PRMT8: variants seen among roughly 807,000 people sequenced by gnomAD.
PRMT8 encodes protein arginine N-methyltransferase 8.
Under a neutral mutation model 47.1 loss-of-function variants are expected in PRMT8, and 7 were observed. The ratio of observed to expected loss-of-function variants is 0.15; its 90% CI spans 0.08 to 0.28. The LOEUF is 0.28. Among genes scored for constraint, PRMT8 ranks in the 10% least tolerant of loss-of-function variants. The probability of loss-of-function intolerance (pLI) is 1.00; values close to 1 mark genes in which losing one functional copy is unlikely to be tolerated. For synonymous variants in PRMT8, 188 were observed against 186.5 expected (o/e 1.01, Z -0.07); for missense variants, 237 against 505.4 (o/e 0.47, Z 5.09).
chr12:3,485,585 C>T (rs1865315394), intron 1 of PRMT8, among the ~76,000 whole-genome samples: 2 of 152,154 alleles, frequency 1.3e-5, no homozygotes, highest in South Asian at 2.1e-4. Flanking sequence ...TTTATCCATA[C>T]AGTGAGATGT....
rs149088593 is a variant in PRMT8 at position 3,404,340 on chromosome 12, C to T, written c.48+22898C>T. The stretch of plus-strand genomic sequence containing the variant: ...CCAAGATTTTACCCAGTTTGATATA[C>T]GTAGATAAAATAATTTTTCTTGCTA... On this transcript the variant is annotated intron_variant, in intron 1 of 9. Coordinates refer to the PRMT8 transcript ENST00000452611. 3.8e-3 allele frequency among the ~76,000 whole-genome samples: 580 copies of T among 152,190 alleles called. 3 individuals are homozygous for T. The highest frequency in any genetic ancestry group is 0.013 in the African/African-American group (540 of 41,528).
rs142178982 is a variant in PRMT8 at position 3,424,429 on chromosome 12, G to A, written c.48+42987G>A. On this transcript the variant is annotated intron_variant, in intron 1 of 9. Coordinates refer to the PRMT8 transcript ENST00000452611. ...TCATTTTTACAGAGTCCTAATTCGT[G>A]ACAAATGTACTTATTTTCGGTCATA... Among the ~76,000 whole-genome samples the A allele has an allele frequency of 1.9e-4, 29 of 152,236 alleles. No individual in the cohort carries two copies. In the East Asian group the frequency reaches 3.9e-3, roughly 20 times the overall value.
intron 1 of PRMT8, among the ~76,000 whole-genome samples, chr12:3,523,514 C>A (rs984101402): frequency 6.6e-6 from 1 of 152,044 alleles, no homozygotes; most frequent in Non-Finnish European, 1.5e-5. Flanking sequence ...ACCAGACAAC[C>A]CTAAGAGAGT....
At chr12:3,531,449 G>T (rs972457811) in intron 1 of PRMT8, among the ~76,000 whole-genome samples, 1 of 152,206 alleles carries the variant, frequency 6.6e-6, no homozygotes, top group Non-Finnish European at 1.5e-5. Context: ...GGAGGCTTGG[G>T]AGACAAGTGA....
chr12:3,445,218 G>A lies in PRMT8; in HGVS notation c.48+63776G>A, dbSNP rs1022922944. 2.6e-5 allele frequency among the ~76,000 whole-genome samples: 4 copies of A among 152,212 alleles called. No homozygotes were observed. The East Asian group carries it at 7.7e-4, about 29-fold the overall frequency. Reference sequence around the variant, plus strand: ...GTCACTATTTAAACAAAACTAGCATGTAGAGAGGGAAATGCTAACCCTCCT... The same window carrying A: ...GTCACTATTTAAACAAAACTAGCATATAGAGAGGGAAATGCTAACCCTCCT... On this transcript the variant is annotated intron_variant, in intron 1 of 9. Transcript: ENST00000452611.
At chr12:3,567,754 A>G (rs1866748269) in intron 4 of PRMT8, among the ~76,000 whole-genome samples, 1 of 152,246 alleles carries the variant, frequency 6.6e-6, no homozygotes, top group Non-Finnish European at 1.5e-5. Context: ...ACTGTTGACC[A>G]GCAGTCTTGC....
chr12:3,516,315 G>GTTCATTCA (rs145251076), intron 1 of PRMT8, among the ~76,000 whole-genome samples: 1 of 152,020 alleles, frequency 6.6e-6, no homozygotes, highest in African/African-American at 2.4e-5. Flanking sequence ...TTGTTAAGGG[G>GTTCATTCA]TTCATTCATT....
chr12:3,507,385 C>T (rs1007769774), intron 1 of PRMT8, among the ~76,000 whole-genome samples: 50 of 152,068 alleles, frequency 3.3e-4, no homozygotes, highest in Non-Finnish European at 2.4e-4. Context: ...CCTCCCAAAA[C>T]GCTGGGATTA....
intron 1 of PRMT8, among the ~76,000 whole-genome samples, chr12:3,477,508 A>G (rs1865225466): frequency 6.6e-6 from 1 of 152,234 alleles, no homozygotes; most frequent in South Asian, 2.1e-4. Context: ...TGCATCATGT[A>G]GTCTTATTGA....
At chr12:3,414,517 A>C (rs962107798) in intron 1 of PRMT8, among the ~76,000 whole-genome samples, 7 of 152,112 alleles carry the variant, frequency 4.6e-5, no homozygotes, top group African/African-American at 7.2e-5. Flanking sequence ...TGGGAACCGG[A>C]GTGAATGGAA....
At chr12:3,451,912 C>T (rs1337815644) in intron 1 of PRMT8, among the ~76,000 whole-genome samples, 2 of 152,142 alleles carry the variant, frequency 1.3e-5, no homozygotes, top group Non-Finnish European at 2.9e-5. Context: ...CTCTGCCTGG[C>T]AGTTGAGGAG....
chr12:3,585,344 G>GC (rs1269981647), intron 8 of PRMT8, among the ~76,000 whole-genome samples: 2 of 65,836 alleles, frequency 3.0e-5, no homozygotes, highest in African/African-American at 1.1e-4. Context: ...AGAAAATGAT[G>GC]CTTTTTTTTT....
Position 3,402,555 on chromosome 12 carries a change from T to A in PRMT8, c.48+21113T>A, listed in dbSNP as rs186145663. On this transcript the variant is annotated intron_variant, in intron 1 of 9. Transcript: ENST00000452611. ...AGACATCCTACAGAATGGGAGAAAA[T>A]GTTTGCAATCCATCCATCTGACAAA... Among the ~76,000 whole-genome samples the A allele has an allele frequency of 4.2e-3, 639 of 152,284 alleles. 11 individuals are homozygous for A. The highest frequency in any genetic ancestry group is 0.014 in the African/African-American group (602 of 41,560).
intron 1 of PRMT8, among the ~76,000 whole-genome samples, chr12:3,481,886 G>A (rs1865277506): frequency 1.3e-5 from 2 of 152,144 alleles, no homozygotes; most frequent in Non-Finnish European, 2.9e-5. Context: ...AAGCTCACAG[G>A]CCCAAGCTCT....
In PRMT8 at chr12:3,576,796, C is replaced by T; in HGVS notation, c.713-75C>T. On this transcript the variant is annotated intron_variant, in intron 6 of 9. Coordinates refer to ENST00000382622, the MANE Select transcript of PRMT8 (RefSeq NM_019854.5). This position sits in a 1 kb window ranked among gnomAD's most constrained non-coding sequence, Gnocchi z 4.0. The stretch of plus-strand genomic sequence containing the variant: ...CCACTCAGCCCTCAGGCACGCTGTG[C>T]TCTAGGACTCAGGAGGGTTGGGTGA... The T allele has an allele frequency of 1.7e-6, 2 of 1,169,912 alleles. No homozygotes were observed. Among genetic ancestry groups the T allele is most frequent in the Admixed American group, 1.7e-5 (1 of 57,356 alleles). 72.5% of individuals were successfully genotyped at this position (1,169,912 alleles called of 1,614,324 possible). A position where few individuals can be genotyped will look rare whatever the true frequency, so the allele number is the denominator to read the frequency against.
Position 3,568,686 on chromosome 12 carries a change from C to T in PRMT8, c.482-20C>T. On this transcript the variant is annotated intron_variant, in intron 4 of 9. Coordinates refer to ENST00000382622, the MANE Select transcript of PRMT8 (RefSeq NM_019854.5). The stretch of plus-strand genomic sequence containing the variant: ...GGTGGGGTCCCTGCAAAGTATGGCC[C>T]TGGGGTTCTTATTTTCCAGTCATCA... The T allele has an allele frequency of 1.9e-6, 3 of 1,614,032 alleles. No homozygotes were observed. Among genetic ancestry groups the T allele is most frequent in the Non-Finnish European group, 2.5e-6 (3 of 1,179,978 alleles).
intron 1 of PRMT8, among the ~76,000 whole-genome samples, chr12:3,437,663 A>T (rs1864759592): frequency 6.9e-6 from 1 of 145,040 alleles, no homozygotes; most frequent in Non-Finnish European, 1.5e-5. Context: ...GCATTCAGCT[A>T]CTCTTTCTGG....
In PRMT8 at chr12:3,437,622, CTA is replaced by C. The variant is rs57504454; in HGVS notation, c.48+56208_48+56209del. Among the ~76,000 whole-genome samples, 561 of 142,832 alleles carry C rather than the reference CTA, an allele frequency of 3.9e-3. 1 individual carries two copies. The highest frequency in any genetic ancestry group is 9.8e-3 in the African/African-American group (361 of 36,898). The allele number at this position is 142,832 out of a possible 152,430, so 93.7% of individuals were successfully genotyped here. ...ATTCCCTTTCTGGTGTGCATTCAGG[CTA>C]TATATATATATATATATATATATAT... On this transcript the variant is annotated intron_variant, in intron 1 of 9. Transcript: ENST00000452611.
intron 1 of PRMT8, among the ~76,000 whole-genome samples, chr12:3,448,865 G>C (rs1273887963): frequency 1.3e-5 from 2 of 152,046 alleles, no homozygotes; most frequent in Non-Finnish European, 2.9e-5. Flanking sequence ...ACATGCATTA[G>C]CTATTTATCC....
Sources: gnomAD v4.1 joint callset for allele counts (sites outside exome capture counted in the v4.1 genomes callset) on GRCh38, gnomAD v4.1.1 for gene constraint, Gnocchi (gnomAD v3.1) non-coding constraint, MANE v1.5 for transcripts, NCBI Gene and HGNC (gene_info 2026-07-23, HGNC 2026-07-21) for gene names.